ADARB2: variants seen among roughly 807,000 people sequenced by gnomAD.
ADARB2 encodes adenosine deaminase RNA specific B2 (inactive), also known as inactive double-stranded RNA-specific editase B2.
ADARB2 carries 25 observed loss-of-function variants against 62.2 expected under a neutral mutation model. The observed-to-expected ratio is 0.40, with a 90% CI of 0.29 to 0.56. The LOEUF is 0.56. Among genes scored for constraint, ADARB2 ranks in the 20% least tolerant of loss-of-function variants. ADARB2 has a pLI of 0.43. For missense variants in ADARB2, 1,071 were observed against 1,077.4 expected (o/e 0.99, Z 0.08); for synonymous variants, 572 against 500.8 (o/e 1.14, Z -1.90).
At position 1,486,429 on chromosome 10, in the gene ADARB2, A is replaced by G. The variant is rs546003786; in HGVS notation, c.101-107269T>C. On this transcript the variant is annotated intron_variant, in intron 1 of 9. Coordinates refer to ENST00000381312, the MANE Select transcript of ADARB2 (RefSeq NM_018702.4). ...TAAATCATCTGGAGAGTCGAACAATATAGACACAAAGTCTGCACATTTCAG... is the reference window on the plus strand; with the variant it reads ...TAAATCATCTGGAGAGTCGAACAATGTAGACACAAAGTCTGCACATTTCAG... Among the ~76,000 whole-genome samples the G allele has an allele frequency of 6.6e-5, 10 of 152,366 alleles. No individual in the cohort carries two copies. In the South Asian group the frequency reaches 2.1e-3, roughly 32 times the overall value.
At chr10:1,453,182 C>T (rs1210184465) in intron 1 of ADARB2, among the ~76,000 whole-genome samples, 1 of 152,240 alleles carries the variant, frequency 6.6e-6, no homozygotes, top group Non-Finnish European at 1.5e-5. Flanking sequence ...CAAGGCAGCT[C>T]TTCCCTGTCT....
intron 1 of ADARB2, among the ~76,000 whole-genome samples, chr10:1,381,467 T>C (rs1045616506): frequency 2.6e-5 from 4 of 152,154 alleles, no homozygotes; most frequent in African/African-American, 7.2e-5. Context: ...GAATGTAAAA[T>C]GGGGGAACTG....
chr10:1,230,427 GGAGCCCCT>G (rs925200788), intron 6 of ADARB2, among the ~76,000 whole-genome samples: 4 of 152,180 alleles, frequency 2.6e-5, no homozygotes, highest in African/African-American at 9.6e-5. Flanking sequence ...TAGCCCTGGA[GGAGCCCCT>G]CACAGCAAAA....
At chr10:1,314,700 C>T (rs536239433) in intron 3 of ADARB2, among the ~76,000 whole-genome samples, 3 of 152,324 alleles carry the variant, frequency 2.0e-5, no homozygotes, top group Admixed American at 6.5e-5. Context: ...CTGCCAACCA[C>T]CTGACGGGAG....
chr10:1,233,681 C>G lies in ADARB2; in HGVS notation c.1513+13G>C, dbSNP rs1830831076. Reference sequence around the variant, plus strand: ...GCTGTTGGCCTACAGAAGGTAAAAGCATGGTCTCTTACGGTCTGTGGTGAT... The same window carrying G: ...GCTGTTGGCCTACAGAAGGTAAAAGGATGGTCTCTTACGGTCTGTGGTGAT... On this transcript the variant is annotated intron_variant, in intron 6 of 9. Coordinates refer to ENST00000381312, the MANE Select transcript of ADARB2 (RefSeq NM_018702.4). 1.9e-6 allele frequency: 3 copies of G among 1,601,574 alleles called. No individual in the cohort carries two copies. The highest frequency in any genetic ancestry group is 2.6e-6 in the Non-Finnish European group (3 of 1,172,952).
intron 1 of ADARB2, among the ~76,000 whole-genome samples, chr10:1,467,467 G>A (rs563998930): frequency 6.6e-6 from 1 of 152,152 alleles, no homozygotes; most frequent in Non-Finnish European, 1.5e-5. Flanking sequence ...AAACCCGAAA[G>A]CATCTCCAAC....
At chr10:1,500,439 CA>C (rs1174069181) in intron 1 of ADARB2, among the ~76,000 whole-genome samples, 1 of 152,150 alleles carries the variant, frequency 6.6e-6, no homozygotes, top group Admixed American at 6.6e-5. Flanking sequence ...TCATAGCTGC[CA>C]AAAAGGCCGC....
intron 3 of ADARB2, among the ~76,000 whole-genome samples, chr10:1,311,913 T>C (rs1299499886): frequency 6.6e-6 from 1 of 152,178 alleles, no homozygotes; most frequent in African/African-American, 2.4e-5. Flanking sequence ...ATTGAGTCTG[T>C]GTCCTAATCC....
rs573674554 is a variant in ADARB2, at chr10:1,437,216, A to G, written c.101-58056T>C. Among the ~76,000 whole-genome samples, 10 of 151,784 alleles carry G rather than the reference A, an allele frequency of 6.6e-5. 1 individual carries two copies. In the South Asian group the frequency reaches 1.3e-3, roughly 19 times the overall value. Reference sequence around the variant, plus strand: ...ATTTGTCTTCCAAAAATAATTTGGTATACATATATATATATACACACACAC... The same window carrying G: ...ATTTGTCTTCCAAAAATAATTTGGTGTACATATATATATATACACACACAC... On this transcript the variant is annotated intron_variant, in intron 1 of 9. Transcript: ENST00000381312.
intron 1 of ADARB2, among the ~76,000 whole-genome samples, chr10:1,408,503 G>C (rs1293362313): frequency 6.6e-6 from 1 of 152,152 alleles, no homozygotes; most frequent in Non-Finnish European, 1.5e-5. Flanking sequence ...GAATGTCAGG[G>C]CTCTCGATTT....
chr10:1,465,450 G>C (rs1045438513), intron 1 of ADARB2, among the ~76,000 whole-genome samples: 1 of 152,216 alleles, frequency 6.6e-6, no homozygotes, highest in Non-Finnish European at 1.5e-5. Context: ...GCTTGCAGCT[G>C]CCTGCCCCTC....
chr10:1,591,990 G>C (rs1833263067), intron 1 of ADARB2, among the ~76,000 whole-genome samples: 2 of 152,196 alleles, frequency 1.3e-5, no homozygotes, highest in African/African-American at 4.8e-5. Flanking sequence ...GGCCCTCCTG[G>C]GCAGGGGTTC....
intron 8 of ADARB2, among the ~76,000 whole-genome samples, chr10:1,194,185 C>T (rs539384382): frequency 6.6e-6 from 1 of 152,300 alleles, no homozygotes; most frequent in African/African-American, 2.4e-5. Context: ...CCAGGTATTG[C>T]TGGGAAGGCA....
chr10:1,347,235 TC>T lies in ADARB2; in HGVS notation c.1077+15792del, dbSNP rs199721801. Among the ~76,000 whole-genome samples the T allele has an allele frequency of 7.3e-3, 1,119 of 152,274 alleles. 14 individuals carry two copies. Among genetic ancestry groups the T allele is most frequent in the African/African-American group, 0.026 (1,071 of 41,554 alleles). On this transcript the variant is annotated intron_variant, in intron 3 of 9. Coordinates refer to ENST00000381312, the MANE Select transcript of ADARB2 (RefSeq NM_018702.4). ...TTTTCCCTGAAATCCCTTCTCCCTT[TC>T]CCGCCTTCCTGATCATAAAGTTGCA... is the stretch of plus-strand genomic sequence containing the variant.
At chr10:1,677,831 C>T (rs1361321669) in intron 1 of ADARB2, among the ~76,000 whole-genome samples, 1 of 152,238 alleles carries the variant, frequency 6.6e-6, no homozygotes, top group African/African-American at 2.4e-5. Flanking sequence ...CTCTGTCCCA[C>T]CTCCTGCTGA....
intron 2 of ADARB2, among the ~76,000 whole-genome samples, chr10:1,365,304 G>T (rs74321783): frequency 0.04 from 6,080 of 152,156 alleles, 201 homozygotes; most frequent in African/African-American, 0.096. Context: ...ACTTAAGACG[G>T]CAAACTTAGG....
At chr10:1,481,890 C>T (rs1588273542) in intron 1 of ADARB2, among the ~76,000 whole-genome samples, 1 of 148,640 alleles carries the variant, frequency 6.7e-6, no homozygotes, top group East Asian at 2.0e-4. Context: ...AAAAGAAATA[C>T]AAGTCAACAA....
At chr10:1,422,569 G>GGGACCAT (rs1336328146) in intron 1 of ADARB2, among the ~76,000 whole-genome samples, 4 of 152,182 alleles carry the variant, frequency 2.6e-5, no homozygotes, top group African/African-American at 9.7e-5. Context: ...CAATGGCCTT[G>GGGACCAT]GTGACCCCAG....
chr10:1,444,474 C>G (rs975372323), intron 1 of ADARB2, among the ~76,000 whole-genome samples: 13 of 150,976 alleles, frequency 8.6e-5, no homozygotes, highest in Non-Finnish European at 7.4e-5. Flanking sequence ...CATTCTCCTT[C>G]CATCTAACCA....
Sources: allele counts gnomAD v4.1 joint callset (sites outside exome capture counted in the v4.1 genomes callset), GRCh38; gene constraint gnomAD v4.1.1; transcripts MANE v1.5; gene names NCBI Gene and HGNC (gene_info 2026-07-23, HGNC 2026-07-21).